INF2: variants seen among roughly 807,000 people sequenced by gnomAD.
INF2 encodes the protein inverted formin-2.
A neutral mutation model predicts 123.5 loss-of-function variants in INF2; 43 were observed. The ratio of observed to expected loss-of-function variants is 0.35; its 90% CI spans 0.27 to 0.45. The LOEUF is 0.45. INF2 is among the 20% of genes least tolerant of loss of function. The pLI is 1.00. For missense variants in INF2, 1,453 were observed against 1,682.7 expected (o/e 0.86, Z 2.39); for synonymous variants, 851 against 745.0 (o/e 1.14, Z -2.32).
At chr14:104,716,113 C>G (rs1258659753) in intron 22 of INF2, 1 of 364,552 alleles carries the variant, frequency 2.7e-6, no homozygotes, top group Non-Finnish European at 5.5e-6. Flanking sequence ...CCAGAAGGTC[C>G]AGCCCGGCCG....
At chr14:104,695,137 G>A (rs1889126203) in intron 1 of INF2, among the ~76,000 whole-genome samples, 1 of 152,138 alleles carries the variant, frequency 6.6e-6, no homozygotes, top group South Asian at 2.1e-4. Context: ...CCCCTGCAGG[G>A]TACGTCTGGG....
At chr14:104,710,697 G>C in intron 13 of INF2, 1 of 576,990 alleles carries the variant, frequency 1.7e-6, no homozygotes, top group Non-Finnish European at 3.1e-6. Context: ...GCAGGGAGAG[G>C]GACAGGTACG....
chr14:104,694,062 G>C (rs1188250720), intron 1 of INF2, among the ~76,000 whole-genome samples: 1 of 152,116 alleles, frequency 6.6e-6, no homozygotes, highest in Non-Finnish European at 1.5e-5. Flanking sequence ...TGTGCAGAGG[G>C]CCCCCCCGGC....
chr14:104,708,397 G>C, intron 8 of INF2, 39 bp from the exon 9 acceptor site: 1 of 1,606,856 alleles, frequency 6.2e-7, no homozygotes, highest in Non-Finnish European at 8.5e-7. Flanking sequence ...CAGGCCCCGG[G>C]GCTGCGAGAG....
intron 7 of INF2, 29 bp downstream of exon 7, chr14:104,707,080 C>G (rs1420145408): frequency 1.3e-6 from 2 of 1,559,660 alleles, no homozygotes; most frequent in South Asian, 1.2e-5. Flanking sequence ...GGCGTAGGCA[C>G]AGCCTGGTGG....
chr14:104,715,371 T>C (rs371951113), intron 22 of INF2, 31 bp downstream of exon 22: 2 of 1,598,962 alleles, frequency 1.3e-6, no homozygotes, highest in African/African-American at 1.3e-5. Context: ...CCGTGGGGGC[T>C]AACAGCAGCT....
intron 1 of INF2, among the ~76,000 whole-genome samples, chr14:104,683,171 G>A (rs560327217): frequency 4.6e-5 from 7 of 152,064 alleles, no homozygotes; most frequent in South Asian, 2.1e-4. Context: ...AGGGGTCTGC[G>A]GGTGGCTGCA....
rs1324905099 is a variant in INF2 at position 104,707,632 on chromosome 14, A to G, written c.1365A>G (p.Pro455=). ...PLPSVGAKAL[P]TAPPPPPLPG... is the part of the protein sequence containing the mutation. ...CCAGTGTGGGGGCTAAGGCCCTCCC[A>G]ACAGCACCCCCGCCCCCACCCCTGC... The change falls in exon 8 of 23, where the codon CCA becomes CCG. Residue 455 remains proline (P), a synonymous_variant. Transcript: ENST00000392634. 4 of 732,270 alleles carry G rather than the reference A, an allele frequency of 5.5e-6. No homozygotes were observed. The highest frequency in any genetic ancestry group is 4.5e-5 in the African/African-American group (2 of 44,350). 45.4% of individuals were successfully genotyped at this position (732,270 alleles called of 1,614,324 possible).
intron 12 of INF2, 30 bp downstream of exon 12, chr14:104,709,735 C>T (rs780296798): frequency 5.2e-5 from 82 of 1,587,116 alleles, no homozygotes; most frequent in Non-Finnish European, 6.8e-5. Flanking sequence ...GACCCCAGGG[C>T]CTGGGCCCCA....
In INF2 at chr14:104,711,171, G is replaced by A; in HGVS notation, c.2403G>A (p.Leu801=). ...CCCAGCAGAACCGCGTGACGCTGCT[G>A]CACCACGTGCTGGAGGTGGGCCGTG... ...TKSQQNRVTL[L]HHVLEEAEKS... Residue 801 remains leucine (L), a synonymous_variant, in exon 15 of 23, where the codon CTG becomes CTA. Coordinates refer to ENST00000392634, the MANE Select transcript of INF2 (RefSeq NM_022489.4). The A allele has an allele frequency of 6.4e-7, 1 of 1,561,820 alleles. No homozygotes were observed. The highest frequency in any genetic ancestry group is 2.4e-5 in the East Asian group (1 of 41,314).
chr14:104,704,067 G>A, intron 5 of INF2, 118 bp downstream of exon 5: 1 of 1,554,476 alleles, frequency 6.4e-7, no homozygotes, highest in Non-Finnish European at 8.6e-7. Flanking sequence ...GCAGGGAGGT[G>A]GCTCCCTCGG....
At chr14:104,684,910 C>A (rs1478170645), upstream of INF2, 2 of 152,210 alleles carry the variant, frequency 1.3e-5, no homozygotes, top group Non-Finnish European at 2.9e-5. The surrounding 1 kb of genome is among the most constrained non-coding windows in gnomAD (Gnocchi z 5.0). Context: ...TAATATATGT[C>A]ACTAAACTCC....
At chr14:104,704,000 C>T (rs1258085990) in intron 5 of INF2, 51 bp downstream of exon 5, 1 of 1,604,502 alleles carries the variant, frequency 6.2e-7, no homozygotes. Context: ...GCTCCCAAGG[C>T]CAGGCCCACC....
chr14:104,711,648 C>T lies in INF2; in HGVS notation c.2438C>T (p.Pro813Leu). The stretch of plus-strand genomic sequence containing the variant: ...TTGCAGGAAGCGGAAAAGAGCCACC[C>T]CGACCTCCTGCAGCTGCCCCGGGAC... ...HVLEEAEKSH[P>L]DLLQLPRDLE... The change falls in exon 16 of 23, where the codon CCC becomes CTC. Residue 813 changes from proline (P) to leucine (L), a missense_variant. Physicochemically the swap from Pro to Leu is moderately conservative, Grantham distance 98 (BLOSUM62 -3). Transcript: ENST00000392634. 1 of 1,612,510 alleles carries T rather than the reference C, an allele frequency of 6.2e-7. No individual in the cohort carries two copies. Among genetic ancestry groups the T allele is most frequent in the Non-Finnish European group, 8.5e-7 (1 of 1,179,720 alleles).
Position 104,684,510 on chromosome 14 carries a change from C to G in INF2, c.-104+2928C>G, listed in dbSNP as rs75540453. Reference sequence around the variant, plus strand: ...CCAGACACAAAGGTTGACATTTACACGCAATCCTAGAATGACGGCTCTATG... The same window carrying G: ...CCAGACACAAAGGTTGACATTTACAGGCAATCCTAGAATGACGGCTCTATG... On this transcript the variant is annotated intron_variant, in intron 1 of 2. Coordinates refer to the INF2 transcript ENST00000674723. This position sits in a 1 kb window ranked among gnomAD's most constrained non-coding sequence, Gnocchi z 5.0. 5.6e-6 allele frequency: 1 copy of G among 179,970 alleles called. No individual in the cohort carries two copies. The highest frequency in any genetic ancestry group is 2.4e-5 in the African/African-American group (1 of 42,086). 11.1% of individuals were successfully genotyped at this position (179,970 alleles called of 1,614,324 possible). A position where few individuals can be genotyped will look rare whatever the true frequency, so the allele number is the denominator to read the frequency against.
At chr14:104,708,110 G>C (rs546751642) in intron 8 of INF2, 108 bp downstream of exon 8, 2 of 1,529,984 alleles carry the variant, frequency 1.3e-6, no homozygotes. Flanking sequence ...TCCTGCCCGT[G>C]CGTGGCCAGG....
At chr14:104,712,310 C>T (rs1442102088) in intron 16 of INF2, 123 bp from the exon 17 acceptor site, 2 of 1,314,104 alleles carry the variant, frequency 1.5e-6, no homozygotes, top group Non-Finnish European at 2.1e-6. Flanking sequence ...GCACGTGCAG[C>T]CTCAGAGTAC....
In INF2 at chr14:104,718,826, G is replaced by C; in HGVS notation, c.*33G>C. ...GGCCCAGGCCCAAGGCCAAGTGAGA[G>C]AGCCCAGGCCACAGGACATGCTGCC... On this transcript the variant is annotated 3_prime_UTR_variant, in exon 23 of 23. Coordinates refer to ENST00000392634, the MANE Select transcript of INF2 (RefSeq NM_022489.4). 6.2e-7 allele frequency: 1 copy of C among 1,612,760 alleles called. No individual in the cohort carries two copies. Among genetic ancestry groups the C allele is most frequent in the Non-Finnish European group, 8.5e-7 (1 of 1,179,690 alleles).
rs527853218 is a variant in INF2, at chr14:104,708,357, G to T, written c.1736-79G>T. On this transcript the variant is annotated intron_variant, in intron 8 of 22. Coordinates refer to ENST00000392634, the MANE Select transcript of INF2 (RefSeq NM_022489.4). ...GGCAGGACATCCTTTAGACCCTCTGGGAGGCTCCAGCCCCTGCCTGCTGGA... is the reference window on the plus strand; with the variant it reads ...GGCAGGACATCCTTTAGACCCTCTGTGAGGCTCCAGCCCCTGCCTGCTGGA... 41 of 1,563,402 alleles carry T rather than the reference G, an allele frequency of 2.6e-5. No homozygotes were observed. In the East Asian group the frequency reaches 9.0e-4, roughly 34 times the overall value.
Sources: allele counts gnomAD v4.1 joint callset (sites outside exome capture counted in the v4.1 genomes callset), GRCh38; gene constraint gnomAD v4.1.1; non-coding constraint Gnocchi (gnomAD v3.1); transcripts MANE v1.5; gene names NCBI Gene and HGNC (gene_info 2026-07-23, HGNC 2026-07-21).